AP5B1: variants seen among roughly 807,000 people sequenced by gnomAD.
AP5B1 encodes AP-5 complex subunit beta-1.
In AP5B1, 3 loss-of-function variants were observed where a neutral mutation model predicts 5.7. The ratio of observed to expected loss-of-function variants is 0.53; its 90% CI spans 0.24 to 1.36. The LOEUF (loss-of-function observed/expected upper bound fraction) is 1.36, where lower values mean the gene tolerates loss of function less well. Ranked by LOEUF, AP5B1 falls within the 40% of genes most tolerant of loss-of-function variation. The pLI, the probability that AP5B1 is intolerant of heterozygous loss-of-function variation, is 0.17. For synonymous variants in AP5B1, 696 were observed against 555.5 expected, an observed-to-expected ratio of 1.25 and a Z score of -3.56; for missense variants, 1,310 against 1,143.2, an observed-to-expected ratio of 1.15 and a Z score of -2.10.
chr11:65,780,270 C>A lies in AP5B1; in HGVS notation c.223G>T (p.Ala75Ser). 1 of 1,501,234 alleles carries A rather than the reference C, an allele frequency of 6.7e-7. No individual in the cohort carries two copies. Among genetic ancestry groups the A allele is most frequent in the Non-Finnish European group, 8.8e-7 (1 of 1,130,402 alleles). 93.0% of individuals were successfully genotyped at this position (1,501,234 alleles called of 1,614,324 possible). The change falls in exon 2 of 2, where the codon GCC (alanine) becomes TCC (serine). Residue 75 changes from alanine to serine, a missense_variant. Physicochemically the swap from Ala to Ser is moderately conservative, Grantham distance 99 (BLOSUM62 1). Coordinates refer to ENST00000532090, the MANE Select transcript of AP5B1 (RefSeq NM_138368.5). Reference sequence around the variant, plus strand: ...ACCAAGGTGTCCAACAGGGAGGTGGCGGCCACTTCGGCCGCAGAGGCGTCG... The same window carrying A: ...ACCAAGGTGTCCAACAGGGAGGTGGAGGCCACTTCGGCCGCAGAGGCGTCG... ...WPDASAAEVA[A>S]TSLLDTLVLL...
At position 65,778,503 on chromosome 11, in the gene AP5B1, C is replaced by A; in HGVS notation, c.1990G>T (p.Val664Leu). The A allele has an allele frequency of 6.4e-7, 1 of 1,573,478 alleles. No homozygotes were observed. The highest frequency in any genetic ancestry group is 8.6e-7 in the Non-Finnish European group (1 of 1,164,030). ...ALMVQEAPALVRLSLGSHRVK... is the reference protein window; with the variant it reads ...ALMVQEAPALLRLSLGSHRVK... ...CGATGGGACCCCAGGCTCAGCCGTA[C>A]CAGGGCCGGTGCCTCCTGCACCATC... Residue 664 changes from valine (V) to leucine (L), a missense_variant, in exon 2 of 2, where the codon GTA (valine) becomes TTA (leucine). Transcript: ENST00000532090.
rs369738427 is a variant in AP5B1 at position 65,778,292 on chromosome 11, G to A, written c.2201C>T (p.Ala734Val). Residue 734 changes from alanine to valine, a missense_variant, in exon 2 of 2, where the codon GCC becomes GTC. Coordinates refer to ENST00000532090, the MANE Select transcript of AP5B1 (RefSeq NM_138368.5). ...GGCATGGACATCCAGCCGTGCGGGG[G>A]CCGGGCATCGGGGCTGCAGAGGCAG... ...LLLPLQPRCP[A>V]PARLDVHALY... 12 of 1,612,958 alleles carry A rather than the reference G, an allele frequency of 7.4e-6. No homozygotes were observed. In the African/African-American group the frequency reaches 1.3e-4, roughly 18 times the overall value.
chr11:65,779,751 C>T lies in AP5B1; in HGVS notation c.742G>A (p.Gly248Arg), dbSNP rs752166571. The T allele has an allele frequency of 1.3e-6, 2 of 1,592,580 alleles. No individual in the cohort carries two copies. The highest frequency in any genetic ancestry group is 8.6e-7 in the Non-Finnish European group (1 of 1,169,142). The change falls in exon 2 of 2, where the codon GGA (glycine) becomes AGA (arginine). Residue 248 changes from glycine to arginine, a missense_variant. Coordinates refer to ENST00000532090, the MANE Select transcript of AP5B1 (RefSeq NM_138368.5). ...GCTGTAAGGCTACGCTCCCCCTCTCCCTCCTCAGCTGCCGGCCAGCTGGGT... is the reference window on the plus strand; with the variant it reads ...GCTGTAAGGCTACGCTCCCCCTCTCTCTCCTCAGCTGCCGGCCAGCTGGGT... ...QAPSWPAAEE[G>R]EGERSLTARE...
Position 65,780,133 on chromosome 11 carries a change from G to T in AP5B1, c.360C>A (p.Leu120=). 6.7e-7 allele frequency: 1 copy of T among 1,482,330 alleles called. No homozygotes were observed. The allele number at this position is 1,482,330 out of a possible 1,614,324, so 91.8% of individuals were successfully genotyped here. ...LGPTSGASCR[L]LPLLLGLAAG... ...CGGCCAGGCCGAGCAGTAGGGGCAGGAGCCGGCAGGAGGCGCCCGAGGTGG... is the reference window on the plus strand; with the variant it reads ...CGGCCAGGCCGAGCAGTAGGGGCAGTAGCCGGCAGGAGGCGCCCGAGGTGG... Residue 120 remains leucine, a synonymous_variant, in exon 2 of 2, where the codon CTC becomes CTA. Transcript: ENST00000532090.
rs1176810215 is a variant in AP5B1, at chr11:65,776,347, C to G, written c.*1509G>C. 6.6e-6 allele frequency: 1 copy of G among 152,214 alleles called. No homozygotes were observed. Among genetic ancestry groups the G allele is most frequent in the Non-Finnish European group, 1.5e-5 (1 of 68,046 alleles). 9.4% of individuals were successfully genotyped at this position (152,214 alleles called of 1,614,324 possible). On this transcript the variant is annotated 3_prime_UTR_variant, in exon 2 of 2. Transcript: ENST00000532090. ...TCTGTGGCCCTGGCTGAGGTCTGCT[C>G]TGATGGCATGGTAATGGAAACCTGC... is the stretch of plus-strand genomic sequence containing the variant.
At position 65,780,155 on chromosome 11, in the gene AP5B1, G is replaced by A. The variant is rs1165021416; in HGVS notation, c.338C>T (p.Thr113Ile). 6.8e-7 allele frequency: 1 copy of A among 1,477,954 alleles called. No individual in the cohort carries two copies. The highest frequency in any genetic ancestry group is 1.5e-5 in the African/African-American group (1 of 68,728). 91.6% of individuals were successfully genotyped at this position (1,477,954 alleles called of 1,614,324 possible). A position where few individuals can be genotyped will look rare whatever the true frequency, so the allele number is the denominator to read the frequency against. ...CAGGAGCCGGCAGGAGGCGCCCGAG[G>A]TGGGGCCCAGCGCGCCGCCCGCCGC... ...ALAAGGALGP[T>I]SGASCRLLPL... The change falls in exon 2 of 2, where the codon ACC becomes ATC. Residue 113 changes from threonine to isoleucine, a missense_variant. Physicochemically the swap from Thr to Ile is moderately conservative, Grantham distance 89 (BLOSUM62 -1). Transcript: ENST00000532090.
In AP5B1 at chr11:65,778,090, T is replaced by C. The variant is rs772365647; in HGVS notation, c.2403A>G (p.Pro801=). Residue 801 remains proline, a synonymous_variant, in exon 2 of 2, where the codon CCA becomes CCG. Transcript: ENST00000532090. ...AGCCCTCCAGGCCCTGTGGCCCAAG[T>C]GGACACCACACACGACTCTCAGCAC... The part of the protein sequence containing the change: ...PEGAESRVWC[P]LGPQGLEGLV... The C allele has an allele frequency of 6.2e-7, 1 of 1,612,642 alleles. No individual in the cohort carries two copies. Among genetic ancestry groups the C allele is most frequent in the African/African-American group, 1.3e-5 (1 of 74,936 alleles).
At position 65,778,406 on chromosome 11, in the gene AP5B1, C is replaced by G. The variant is rs768985804; in HGVS notation, c.2087G>C (p.Arg696Pro). 33 of 1,591,116 alleles carry G rather than the reference C, an allele frequency of 2.1e-5. No homozygotes were observed. The Admixed American group carries it at 5.4e-4, about 26-fold the overall frequency. ...ALEPIYSLEL[R>P]FRVEGQLYAP... The stretch of plus-strand genomic sequence containing the variant: ...ATACAGCTGTCCTTCCACACGGAAG[C>G]GCAGCTCCAGAGAGTAGATGGGCTC... Residue 696 changes from arginine (R) to proline (P), a missense_variant, in exon 2 of 2, where the codon CGC (arginine) becomes CCC (proline). Arg to Pro is a moderately radical substitution (Grantham distance 103). Coordinates refer to ENST00000532090, the MANE Select transcript of AP5B1 (RefSeq NM_138368.5).
Position 65,780,864 on chromosome 11 carries a change from C to T in AP5B1, c.-273G>A. The T allele has an allele frequency of 3.6e-6, 1 of 275,418 alleles. No individual in the cohort carries two copies. The highest frequency in any genetic ancestry group is 6.2e-5 in the East Asian group (1 of 16,060). 17.1% of individuals were successfully genotyped at this position (275,418 alleles called of 1,614,324 possible). ...TAGGCCGCCTCCCTCCCGCCCGCGG[C>T]CCGCACCGAAACCACAGCGCCACCC... is the stretch of plus-strand genomic sequence containing the variant. On this transcript the variant is annotated 5_prime_UTR_variant, in exon 1 of 2. Coordinates refer to ENST00000532090, the MANE Select transcript of AP5B1 (RefSeq NM_138368.5).
In AP5B1 at chr11:65,780,137, C is replaced by A; in HGVS notation, c.356G>T (p.Arg119Leu). 6.8e-7 allele frequency: 1 copy of A among 1,477,362 alleles called. No homozygotes were observed. Among genetic ancestry groups the A allele is most frequent in the Non-Finnish European group, 8.9e-7 (1 of 1,117,456 alleles). 91.5% of individuals were successfully genotyped at this position (1,477,362 alleles called of 1,614,324 possible). Residue 119 changes from arginine (R) to leucine (L), a missense_variant, in exon 2 of 2, where the codon CGG becomes CTG. Arg to Leu is a moderately radical substitution (Grantham distance 102, BLOSUM62 -2). Transcript: ENST00000532090. Reference sequence around the variant, plus strand: ...CAGGCCGAGCAGTAGGGGCAGGAGCCGGCAGGAGGCGCCCGAGGTGGGGCC... The same window carrying A: ...CAGGCCGAGCAGTAGGGGCAGGAGCAGGCAGGAGGCGCCCGAGGTGGGGCC... Reference protein sequence around the residue: ...ALGPTSGASCRLLPLLLGLAA... With the variant: ...ALGPTSGASCLLLPLLLGLAA...
Position 65,778,515 on chromosome 11 carries a change from C to T in AP5B1, c.1978G>A (p.Ala660Thr), listed in dbSNP as rs1379268227. The T allele has an allele frequency of 1.2e-5, 19 of 1,573,516 alleles. No individual in the cohort carries two copies. The highest frequency in any genetic ancestry group is 1.5e-5 in the Non-Finnish European group (18 of 1,163,654). ...AGGCTCAGCCGTACCAGGGCCGGTG[C>T]CTCCTGCACCATCAGTGCTGCCACA... ...GFVAALMVQE[A>T]PALVRLSLGS... The change falls in exon 2 of 2, where the codon GCA becomes ACA. Residue 660 changes from alanine to threonine, a missense_variant. Physicochemically the swap from Ala to Thr is moderately conservative, Grantham distance 58 (BLOSUM62 0). Coordinates refer to ENST00000532090, the MANE Select transcript of AP5B1 (RefSeq NM_138368.5).
rs1444252906 is a variant in AP5B1 at position 65,779,265 on chromosome 11, T to C, written c.1228A>G (p.Met410Val). ...GLLPSLLHDPMALLARLHLLC... is the reference protein window; with the variant it reads ...GLLPSLLHDPVALLARLHLLC... ...AAATGCAGGCGGGCCAGGAGGGCCA[T>C]TGGGTCATGCAGGAGACTGGGCAGG... is the stretch of plus-strand genomic sequence containing the variant. The change falls in exon 2 of 2, where the codon ATG becomes GTG. Residue 410 changes from methionine to valine, a missense_variant. Met to Val is a conservative substitution (Grantham distance 21). Coordinates refer to ENST00000532090, the MANE Select transcript of AP5B1 (RefSeq NM_138368.5). 9.4e-6 allele frequency: 15 copies of C among 1,595,408 alleles called. No homozygotes were observed. The highest frequency in any genetic ancestry group is 5.4e-5 in the African/African-American group (4 of 74,568).
Position 65,779,597 on chromosome 11 carries a change from CCCCGCAGGGCCCAGCCCAGCA to C in AP5B1, c.875_895del (p.Leu292_Gly299delinsArg). On this transcript the variant is annotated inframe_deletion, in exon 2 of 2. Transcript: ENST00000532090. Reference sequence around the variant, plus strand: ...GAGTGCCGGTGGCTGTCCCTGCAGACCCCGCAGGGCCCAGCCCAGCAGCCACAGGAGCTGGGCCTGGGCCAC... The same window carrying C: ...GAGTGCCGGTGGCTGTCCCTGCAGACGCCACAGGAGCTGGGCCTGGGCCAC... 2 of 1,605,682 alleles carry C rather than the reference CCCCGCAGGGCCCAGCCCAGCA, an allele frequency of 1.2e-6. No homozygotes were observed. The highest frequency in any genetic ancestry group is 1.7e-6 in the Non-Finnish European group (2 of 1,176,588).
chr11:65,777,608 A>G lies in AP5B1; in HGVS notation c.*248T>C, dbSNP rs1326731017. 2 of 502,190 alleles carry G rather than the reference A, an allele frequency of 4.0e-6. No individual in the cohort carries two copies. The highest frequency in any genetic ancestry group is 3.5e-6 in the Non-Finnish European group (1 of 287,934). 31.1% of individuals were successfully genotyped at this position (502,190 alleles called of 1,614,324 possible). On this transcript the variant is annotated 3_prime_UTR_variant, in exon 2 of 2. Transcript: ENST00000532090. ...CTGGGCCCTCCACTATGGACTTCCC[A>G]GCCTCCAGAGCTCTGAGCCAATACA...
chr11:65,778,140 G>A lies in AP5B1; in HGVS notation c.2353C>T (p.Leu785Phe), dbSNP rs773932790. 7.4e-6 allele frequency: 12 copies of A among 1,612,796 alleles called. No individual in the cohort carries two copies. Among genetic ancestry groups the A allele is most frequent in the South Asian group, 1.1e-5 (1 of 91,096 alleles). Residue 785 changes from leucine (L) to phenylalanine (F), a missense_variant, in exon 2 of 2, where the codon CTC becomes TTC. Leu to Phe is a conservative substitution (Grantham distance 22). Coordinates refer to ENST00000532090, the MANE Select transcript of AP5B1 (RefSeq NM_138368.5). Reference protein sequence around the residue: ...EGAGLGFFEELWDSCLPEGAE... With the variant: ...EGAGLGFFEEFWDSCLPEGAE... Reference sequence around the variant, plus strand: ...CCCTCTGGCAGGCAGGAATCCCAGAGCTCCTCAAAGAAGCCCAGCCCGGCC... The same window carrying A: ...CCCTCTGGCAGGCAGGAATCCCAGAACTCCTCAAAGAAGCCCAGCCCGGCC...
chr11:65,778,509 CCGG>C lies in AP5B1; in HGVS notation c.1981_1983del (p.Pro661del). 6.4e-7 allele frequency: 1 copy of C among 1,573,344 alleles called. No homozygotes were observed. ...GACCCCAGGCTCAGCCGTACCAGGG[CCGG>C]TGCCTCCTGCACCATCAGTGCTGCC... is the stretch of plus-strand genomic sequence containing the variant. On this transcript the variant is annotated inframe_deletion, in exon 2 of 2. Transcript: ENST00000532090.
At position 65,777,617 on chromosome 11, in the gene AP5B1, A is replaced by C; in HGVS notation, c.*239T>G. On this transcript the variant is annotated 3_prime_UTR_variant, in exon 2 of 2. Transcript: ENST00000532090. ...CCACTATGGACTTCCCAGCCTCCAG[A>C]GCTCTGAGCCAATACATTTCTGTTT... 1.9e-6 allele frequency: 1 copy of C among 517,012 alleles called. No homozygotes were observed. The highest frequency in any genetic ancestry group is 3.4e-6 in the Non-Finnish European group (1 of 298,256). The allele number at this position is 517,012 out of a possible 1,614,324, so 32.0% of individuals were successfully genotyped here.
chr11:65,777,817 CAA>C lies in AP5B1; in HGVS notation c.*37_*38del. 6.8e-7 allele frequency: 1 copy of C among 1,460,870 alleles called. No homozygotes were observed. The highest frequency in any genetic ancestry group is 9.1e-7 in the Non-Finnish European group (1 of 1,103,854). The allele number at this position is 1,460,870 out of a possible 1,614,324, so 90.5% of individuals were successfully genotyped here. On this transcript the variant is annotated 3_prime_UTR_variant, in exon 2 of 2. Coordinates refer to ENST00000532090, the MANE Select transcript of AP5B1 (RefSeq NM_138368.5). Reference sequence around the variant, plus strand: ...CTACAGGAGTGTGCCTTGGCCCCCACAAGGGCCACAGTCCTGCCCCCACCTGG... The same window carrying C: ...CTACAGGAGTGTGCCTTGGCCCCCACGGGCCACAGTCCTGCCCCCACCTGG...
rs747101251 is a variant in AP5B1, at chr11:65,779,935, G to C, written c.558C>G (p.Ser186Arg). 431 of 1,591,146 alleles carry C rather than the reference G, an allele frequency of 2.7e-4. 1 individual carries two copies. The highest frequency in any genetic ancestry group is 3.4e-4 in the Admixed American group (19 of 56,534). ...LGQEGPVQPL[S>R]LLLALALRNT... ...TGCGCAAAGCGAGGGCCAGCAACAG[G>C]CTGAGTGGCTGGACAGGGCCTTCCT... Residue 186 changes from serine (S) to arginine (R), a missense_variant, in exon 2 of 2, where the codon AGC (serine) becomes AGG (arginine). By Grantham distance (110) the Ser-to-Arg change is moderately radical. Coordinates refer to ENST00000532090, the MANE Select transcript of AP5B1 (RefSeq NM_138368.5).
Sources: allele counts gnomAD v4.1 joint callset, GRCh38; gene constraint gnomAD v4.1.1; transcripts MANE v1.5; gene names NCBI Gene and HGNC (gene_info 2026-07-23, HGNC 2026-07-21).